Variants in C11orf58 observed in about 807,000 individuals in gnomAD.
C11orf58 encodes the protein chromosome 11 open reading frame 58, also known as small acidic protein.
Under a neutral mutation model 22.7 loss-of-function variants are expected in C11orf58, and 5 were observed. The observed-to-expected ratio is 0.22, with a 90% confidence interval of 0.12 to 0.46. C11orf58 has a LOEUF of 0.46. Among genes scored for constraint, C11orf58 ranks in the 20% least tolerant of loss-of-function variants. The probability of loss-of-function intolerance (pLI) is 0.99; values close to 1 mark genes in which losing one functional copy is unlikely to be tolerated. For missense variants in C11orf58, 151 were observed against 223.3 expected (o/e 0.68, Z 2.06); for synonymous variants, 71 against 70.7 (o/e 1.00, Z -0.02).
intron 3 of C11orf58, 150 bp from the exon 4 acceptor site, chr11:16,752,635 T>C: frequency 2.2e-6 from 1 of 446,846 alleles, no homozygotes; most frequent in Non-Finnish European, 3.9e-6. Context: ...TTCTATTAGG[T>C]AACCACCTAT....
intron 1 of C11orf58, among the ~76,000 whole-genome samples, chr11:16,739,243 G>T (rs1848423867): frequency 6.6e-6 from 1 of 152,076 alleles, no homozygotes; most frequent in Non-Finnish European, 1.5e-5. Flanking sequence ...CGAAATGTTC[G>T]TGCACGTTTG....
intron 3 of C11orf58, chr11:16,749,041 A>C (rs1590074461): frequency 6.6e-6 from 1 of 152,306 alleles, no homozygotes. Flanking sequence ...ATTTTGTTTT[A>C]AAATCTTTGA....
At chr11:16,745,055 C>T (rs936623569) in intron 2 of C11orf58, among the ~76,000 whole-genome samples, 6 of 152,126 alleles carry the variant, frequency 3.9e-5, no homozygotes, top group African/African-American at 1.4e-4. Context: ...AAAAGGCTGT[C>T]ATATTTTATA....
rs7110136 is a variant in C11orf58, at chr11:16,757,240, C to T, written c.*2136C>T. On this transcript the variant is annotated 3_prime_UTR_variant, in exon 5 of 5. Coordinates refer to ENST00000228136, the MANE Select transcript of C11orf58 (RefSeq NM_014267.6). ...CTTATAACTAAGTAGAAAGTGAAGA[C>T]TGATTTTTACTTAAGAATGGGATAG... Among the ~76,000 whole-genome samples, 127,073 of 152,130 alleles carry T rather than the reference C, an allele frequency of 0.84. 53,153 individuals carry two copies. The highest frequency in any genetic ancestry group is 0.9 in the Middle Eastern group (265 of 294).
At chr11:16,741,002 AG>A in intron 1 of C11orf58, among the ~76,000 whole-genome samples, 1 of 151,480 alleles carries the variant, frequency 6.6e-6, no homozygotes, top group Non-Finnish European at 1.5e-5. Flanking sequence ...AGGCTGAGGC[AG>A]GAGAATGGCG....
chr11:16,751,658 T>C (rs892703964), intron 3 of C11orf58: 1 of 152,200 alleles, frequency 6.6e-6, no homozygotes, highest in African/African-American at 2.4e-5. Context: ...TTTGACATGT[T>C]TCAAACATTA....
At position 16,755,832 on chromosome 11, in the gene C11orf58, A is replaced by G. The variant is rs1848572796; in HGVS notation, c.*728A>G. 1.3e-5 allele frequency: 2 copies of G among 152,516 alleles called. No homozygotes were observed. Among genetic ancestry groups the G allele is most frequent in the Non-Finnish European group, 2.9e-5 (2 of 68,016 alleles). 9.4% of individuals were successfully genotyped at this position (152,516 alleles called of 1,614,324 possible). ...ATATGTAAAACTGGATTTTTTTTTA[A>G]GTAATATGTGACCAAAGTTAATTTT... On this transcript the variant is annotated 3_prime_UTR_variant, in exon 5 of 5. Coordinates refer to ENST00000228136, the MANE Select transcript of C11orf58 (RefSeq NM_014267.6).
chr11:16,752,509 G>A, intron 3 of C11orf58: 1 of 209,470 alleles, frequency 4.8e-6, no homozygotes, highest in Non-Finnish European at 9.4e-6. Flanking sequence ...TTTATTAGGT[G>A]ACTAGAAAAA....
chr11:16,754,184 A>G, intron 4 of C11orf58: 1 of 394,712 alleles, frequency 2.5e-6, no homozygotes, highest in Non-Finnish European at 4.5e-6. Context: ...TGTGCAAAAC[A>G]TTGATAACTG....
intron 3 of C11orf58, 31 bp from the exon 4 acceptor site, chr11:16,752,754 G>T: frequency 6.8e-7 from 1 of 1,474,172 alleles, no homozygotes; most frequent in Non-Finnish European, 9.4e-7. Flanking sequence ...TAATTTGACT[G>T]AAACATAACT....
chr11:16,755,240 C>T lies in C11orf58; in HGVS notation c.*136C>T. 3 of 1,014,806 alleles carry T rather than the reference C, an allele frequency of 3.0e-6. No homozygotes were observed. Among genetic ancestry groups the T allele is most frequent in the East Asian group, 4.8e-5 (2 of 41,286 alleles). The allele number at this position is 1,014,806 out of a possible 1,614,324, so 62.9% of individuals were successfully genotyped here. ...TTTAAATAATTACAAAGAGTGTTTG[C>T]TTTCAAATGCCATGGGTTACACTTT... On this transcript the variant is annotated 3_prime_UTR_variant, in exon 5 of 5. Transcript: ENST00000228136.
chr11:16,753,911 C>A, intron 4 of C11orf58: 1 of 544,374 alleles, frequency 1.8e-6, no homozygotes, highest in Non-Finnish European at 3.3e-6. Context: ...GTTGCCCAGG[C>A]TGGTCTCAAA....
In C11orf58 at chr11:16,756,292, CGGAGTCTCATTCTG is replaced by C. The variant is rs1848576872; in HGVS notation, c.*1189_*1202del. On this transcript the variant is annotated 3_prime_UTR_variant, in exon 5 of 5. Coordinates refer to ENST00000228136, the MANE Select transcript of C11orf58 (RefSeq NM_014267.6). ...TTTTTTTTTTTTTTTTTTTTTGAGA[CGGAGTCTCATTCTG>C]TCGCCCAGGCTGGAGTGCAGTGGCG... is the stretch of plus-strand genomic sequence containing the variant. The C allele has an allele frequency of 9.0e-6, 1 of 110,690 alleles. No individual in the cohort carries two copies. The highest frequency in any genetic ancestry group is 1.7e-5 in the Non-Finnish European group (1 of 58,418). The allele number at this position is 110,690 out of a possible 1,614,324, so 6.9% of individuals were successfully genotyped here. A position where few individuals can be genotyped will look rare whatever the true frequency, so the allele number is the denominator to read the frequency against.
intron 1 of C11orf58, 133 bp downstream of exon 1, chr11:16,738,974 G>A: frequency 1.0e-6 from 1 of 960,054 alleles, no homozygotes; most frequent in Non-Finnish European, 1.6e-6. Context: ...CCAGAAGAAT[G>A]AGTGGGAAAT....
chr11:16,748,257 A>T, intron 3 of C11orf58, 100 bp downstream of exon 3: 10 of 1,002,528 alleles, frequency 1.0e-5, no homozygotes, highest in Non-Finnish European at 1.5e-5. Context: ...TAATTGTGTA[A>T]ATTATTAAAA....
At chr11:16,743,165 C>T (rs114210827) in intron 1 of C11orf58, among the ~76,000 whole-genome samples, 1,732 of 152,234 alleles carry the variant, frequency 0.011, 25 homozygotes, top group African/African-American at 0.039. Context: ...ATGATAAATT[C>T]GGTGAATATT....
rs537177170 is a variant in C11orf58 at position 16,740,819 on chromosome 11, C to G, written c.63+1978C>G. ...AAAAAAAAAAAACTAGCAGGCCGGG[C>G]GCGGTGGCTCACTCCTGTAATCCCA... On this transcript the variant is annotated intron_variant, in intron 1 of 4. Transcript: ENST00000228136. 1.1e-4 allele frequency among the ~76,000 whole-genome samples: 17 copies of G among 150,438 alleles called. No individual in the cohort carries two copies. In the South Asian group the frequency reaches 3.6e-3, roughly 32 times the overall value.
intron 1 of C11orf58, among the ~76,000 whole-genome samples, chr11:16,743,351 A>G (rs1848462740): frequency 6.6e-6 from 1 of 152,166 alleles, no homozygotes; most frequent in African/African-American, 2.4e-5. Flanking sequence ...ATATTGCAAG[A>G]TGAAGTCCTT....
chr11:16,748,393 C>T, intron 3 of C11orf58: 1 of 350,860 alleles, frequency 2.9e-6, no homozygotes, highest in Non-Finnish European at 5.3e-6. Flanking sequence ...TGCACCACTG[C>T]ATTCCAGCCT....
Sources: gnomAD v4.1 joint callset for allele counts (sites outside exome capture counted in the v4.1 genomes callset) on GRCh38, gnomAD v4.1.1 for gene constraint, MANE v1.5 for transcripts, NCBI Gene and HGNC (gene_info 2026-07-23, HGNC 2026-07-21) for gene names.